The following CELF4 variants were observed in gnomAD, a reference collection of about 807,000 sequenced individuals.
CELF4 encodes the protein CUG-BP- and ETR-3-like factor 4.
CELF4 carries 18 observed loss-of-function variants against 59.9 expected under a neutral mutation model. That is an observed-to-expected ratio of 0.30 (90% CI 0.21 to 0.45). The LOEUF is 0.45. Among genes scored for constraint, CELF4 ranks in the 20% least tolerant of loss-of-function variants. The probability of loss-of-function intolerance (pLI) is 1.00; values close to 1 mark genes in which losing one functional copy is unlikely to be tolerated. For missense variants in CELF4, 456 were observed against 689.0 expected (o/e 0.66, Z 3.79); for synonymous variants, 261 against 267.1 (o/e 0.98, Z 0.22).
At chr18:37,397,398 A>C (rs1322530121) in intron 2 of CELF4, among the ~76,000 whole-genome samples, 1 of 152,106 alleles carries the variant, frequency 6.6e-6, no homozygotes, top group Admixed American at 6.5e-5. Flanking sequence ...TTTCCATTCT[A>C]AACTGCAGCT....
At chr18:37,370,552 T>C (rs1021128982) in intron 2 of CELF4, among the ~76,000 whole-genome samples, 1 of 152,222 alleles carries the variant, frequency 6.6e-6, no homozygotes, top group Non-Finnish European at 1.5e-5. Context: ...TTTATCTGCC[T>C]ATGATGATCT....
intron 2 of CELF4, among the ~76,000 whole-genome samples, chr18:37,465,451 G>C (rs1411352270): frequency 6.6e-6 from 1 of 152,158 alleles, no homozygotes; most frequent in Non-Finnish European, 1.5e-5. Context: ...ATGGGAATGG[G>C]CAGCCTCCAT....
intron 3 of CELF4, among the ~76,000 whole-genome samples, chr18:37,284,278 TAAC>T (rs1478364212): frequency 6.8e-6 from 1 of 148,084 alleles, no homozygotes; most frequent in Non-Finnish European, 1.5e-5. Flanking sequence ...CATACAGACA[TAAC>T]ACACACAGAC....
At chr18:37,272,482 T>C (rs1015682770) in intron 7 of CELF4, among the ~76,000 whole-genome samples, 17 of 151,424 alleles carry the variant, frequency 1.1e-4, no homozygotes, top group African/African-American at 4.1e-4. Flanking sequence ...TCCAAACTCC[T>C]GTCCCTTGAT....
At chr18:37,527,506 G>A (rs2099965255) in intron 1 of CELF4, among the ~76,000 whole-genome samples, 1 of 152,094 alleles carries the variant, frequency 6.6e-6, no homozygotes, top group Non-Finnish European at 1.5e-5. Context: ...AAACTGAACT[G>A]ATGTTTCCAC....
chr18:37,332,972 G>A (rs1015222810), intron 2 of CELF4, among the ~76,000 whole-genome samples: 3 of 152,226 alleles, frequency 2.0e-5, no homozygotes, highest in Non-Finnish European at 4.4e-5. Context: ...TCTTAATTAA[G>A]ATCTGCTGCC....
intron 2 of CELF4, among the ~76,000 whole-genome samples, chr18:37,470,890 C>CAGAGAGAGAGAGAGAGAGAGAGAG (rs142446683): frequency 1.1e-5 from 1 of 95,002 alleles, no homozygotes; most frequent in African/African-American, 4.2e-5. Context: ...GTGTGTGTGA[C>CAGAGAGAGAGAGAGAGAGAGAGAG]AGAGAGAGAG....
At chr18:37,275,306 G>A in intron 3 of CELF4, 63 bp from the exon 4 acceptor site, 1 of 1,571,568 alleles carries the variant, frequency 6.4e-7, no homozygotes, top group East Asian at 2.4e-5. Flanking sequence ...AGCAGGGCAA[G>A]GCCGGAGGGG....
At position 37,253,300 on chromosome 18, in the gene CELF4, G is replaced by A. The variant is rs925660770; in HGVS notation, c.*44+467C>T. On this transcript the variant is annotated intron_variant, in intron 12 of 12. Transcript: ENST00000420428. The surrounding 1 kb of genome is among the most constrained non-coding windows in gnomAD (Gnocchi z 4.5). ...TATGGGGAAAGACAGGGGTGCAGGG[G>A]TCAAGTGTCTAAAGGCTACCAGCCC... is the stretch of plus-strand genomic sequence containing the variant. Among the ~76,000 whole-genome samples, 10 of 152,206 alleles carry A rather than the reference G, an allele frequency of 6.6e-5. No homozygotes were observed. The highest frequency in any genetic ancestry group is 1.9e-4 in the African/African-American group (8 of 41,454).
chr18:37,436,273 G>T (rs778978051), intron 2 of CELF4, among the ~76,000 whole-genome samples: 2 of 152,196 alleles, frequency 1.3e-5, no homozygotes, highest in Non-Finnish European at 2.9e-5. Context: ...GAACTCGGGA[G>T]CAGTTCGAGA....
chr18:37,416,707 A>G (rs2099531720), intron 2 of CELF4, among the ~76,000 whole-genome samples: 1 of 152,164 alleles, frequency 6.6e-6, no homozygotes, highest in Non-Finnish European at 1.5e-5. Flanking sequence ...GTCTTCAGGA[A>G]GCTAGGGGAT....
chr18:37,370,234 C>T (rs1465893170), intron 2 of CELF4, among the ~76,000 whole-genome samples: 2 of 152,158 alleles, frequency 1.3e-5, no homozygotes, highest in Non-Finnish European at 2.9e-5. Flanking sequence ...GTCCTGCTTT[C>T]CCGAGCCCGA....
chr18:37,325,821 A>G (rs1386565173), intron 2 of CELF4, among the ~76,000 whole-genome samples: 1 of 152,172 alleles, frequency 6.6e-6, no homozygotes, highest in African/African-American at 2.4e-5. Context: ...GTCATTTTCC[A>G]TGTGCCATTA....
At position 37,479,055 on chromosome 18, in the gene CELF4, C is replaced by T. The variant is rs187972438; in HGVS notation, c.369+6470G>A. Among the ~76,000 whole-genome samples the T allele has an allele frequency of 2.9e-3, 440 of 152,296 alleles. 9 individuals carry two copies. The highest frequency in any genetic ancestry group is 0.024 in the Admixed American group (368 of 15,302). ...ACCCAGGAGAGAGTTGAGCTGGAGT[C>T]GGTGCTGAAACTGCTAAGCCCTTGG... On this transcript the variant is annotated intron_variant, in intron 2 of 12. Transcript: ENST00000420428.
At chr18:37,520,655 C>CA (rs1431252305) in intron 1 of CELF4, among the ~76,000 whole-genome samples, 1 of 152,122 alleles carries the variant, frequency 6.6e-6, no homozygotes, top group Non-Finnish European at 1.5e-5. Flanking sequence ...TTCCCGTAAT[C>CA]AAAAAGCCCA....
chr18:37,275,133 G>T lies in CELF4; in HGVS notation c.559C>A (p.Pro187Thr). 1 of 1,613,352 alleles carries T rather than the reference G, an allele frequency of 6.2e-7. No homozygotes were observed. The highest frequency in any genetic ancestry group is 8.5e-7 in the Non-Finnish European group (1 of 1,179,872). Residue 187 changes from proline (P) to threonine (T), a missense_variant, in exon 4 of 13, where the codon CCC (proline) becomes ACC (threonine). Coordinates refer to ENST00000420428, the MANE Select transcript of CELF4 (RefSeq NM_020180.4). ...NIEECTILRG[P>T]DGNSKGCAFV... ...CGCGCACCCTTGCTGTTGCCGTCGG[G>T]CCCGCGCAGGATGGTGCACTCCTCG...
chr18:37,549,814 A>G (rs2099982577), intron 1 of CELF4, among the ~76,000 whole-genome samples: 1 of 152,186 alleles, frequency 6.6e-6, no homozygotes, highest in African/African-American at 2.4e-5. Flanking sequence ...TATATAGGTT[A>G]TATATATGCA....
chr18:37,273,805 G>A (rs536491239), intron 6 of CELF4: 1 of 989,390 alleles, frequency 1.0e-6, no homozygotes. Context: ...TGACAGAGTG[G>A]GCCCCCATGT....
At position 37,415,195 on chromosome 18, in the gene CELF4, G is replaced by C. The variant is rs193194785; in HGVS notation, c.369+70330C>G. 2.0e-5 allele frequency among the ~76,000 whole-genome samples: 3 copies of C among 152,328 alleles called. No individual in the cohort carries two copies. In the East Asian group the frequency reaches 5.8e-4, roughly 29 times the overall value. On this transcript the variant is annotated intron_variant, in intron 2 of 12. Coordinates refer to ENST00000420428, the MANE Select transcript of CELF4 (RefSeq NM_020180.4). ...TGCTGGTTGGGTCAGATGGAGAAGG[G>C]AAGAGACATGGAGGGTGAACAGGAG...
Sources: gnomAD v4.1 joint callset for allele counts (sites outside exome capture counted in the v4.1 genomes callset) on GRCh38, gnomAD v4.1.1 for gene constraint, Gnocchi (gnomAD v3.1) non-coding constraint, MANE v1.5 for transcripts, NCBI Gene and HGNC (gene_info 2026-07-23, HGNC 2026-07-21) for gene names.